SMTN: variants seen among roughly 807,000 people sequenced by gnomAD.
The protein encoded by SMTN is smoothelin.
In SMTN, 58 loss-of-function variants were observed where a neutral mutation model predicts 102.0. The observed-to-expected ratio is 0.57, with a 90% CI of 0.46 to 0.71. The LOEUF (loss-of-function observed/expected upper bound fraction) is 0.71. Among genes scored for constraint, SMTN ranks in the 30% least tolerant of loss-of-function variants. The probability of loss-of-function intolerance (pLI) is 0.00; values close to 1 mark genes in which losing one functional copy is unlikely to be tolerated. For missense variants in SMTN, 1,185 were observed against 1,241.7 expected (o/e 0.95, Z 0.69); for synonymous variants, 478 against 497.9 (o/e 0.96, Z 0.53).
intron 16 of SMTN, among the ~76,000 whole-genome samples, chr22:31,098,279 C>G (rs936404822): frequency 6.6e-6 from 1 of 152,198 alleles, no homozygotes; most frequent in Non-Finnish European, 1.5e-5. Flanking sequence ...CCTCCCTGCT[C>G]TTGTGAAGTT....
rs2043089518 is a variant in SMTN at position 31,091,005 on chromosome 22, G to A, written c.982G>A (p.Gly328Ser). ...CGGACCTTCCTCATTCCAGCGGGCT[G>A]GCTCTGTGCGGGATCGTGTCCACAA... ...ASGPSSFQRA[G>S]SVRDRVHKFT... Residue 328 changes from glycine to serine, a missense_variant, in exon 10 of 21, where the codon GGC becomes AGC. Physicochemically the swap from Gly to Ser is moderately conservative, Grantham distance 56. Transcript: ENST00000333137. The A allele has an allele frequency of 1.2e-6, 2 of 1,613,826 alleles. No homozygotes were observed. The highest frequency in any genetic ancestry group is 1.7e-6 in the Non-Finnish European group (2 of 1,179,936).
In SMTN at chr22:31,098,686, C is replaced by A; in HGVS notation, c.2179C>A (p.Gln727Lys). The A allele has an allele frequency of 6.2e-7, 1 of 1,613,512 alleles. No homozygotes were observed. The highest frequency in any genetic ancestry group is 8.5e-7 in the Non-Finnish European group (1 of 1,179,892). ...CCCTAGCATCTTCGACCGCGAGGACCAGGCCAGCCCACGGGCCGGCAGCCT... is the reference window on the plus strand; with the variant it reads ...CCCTAGCATCTTCGACCGCGAGGACAAGGCCAGCCCACGGGCCGGCAGCCT... The part of the protein sequence containing the change: ...KMGSIFDRED[Q>K]ASPRAGSLAA... The change falls in exon 17 of 21, where the codon CAG becomes AAG. Residue 727 changes from glutamine (Q) to lysine (K), a missense_variant. Physicochemically the swap from Gln to Lys is moderately conservative, Grantham distance 53. Around this residue, in one of 2 missense-constraint regions of SMTN, gnomAD observed 1,096 missense variants for 1,112.7 expected, o/e 0.98. Transcript: ENST00000333137.
In SMTN at chr22:31,091,289, T is replaced by C. The variant is rs1221760209; in HGVS notation, c.1266T>C (p.Ala422=). 2.5e-6 allele frequency: 4 copies of C among 1,599,840 alleles called. No individual in the cohort carries two copies. Among genetic ancestry groups the C allele is most frequent in the Non-Finnish European group, 3.4e-6 (4 of 1,174,072 alleles). The change falls in exon 10 of 21, where the codon GCT becomes GCC. Residue 422 remains alanine (A), a synonymous_variant. Transcript: ENST00000333137. ...AGGGCCCCAGGGGGCGGGGCTTGGC[T>C]GCTAGGCCCCTTGAAAACAGAGCAG... ...QEEGPRGRGL[A]ARPLENRAGG... is the part of the protein sequence containing the mutation.
rs575618231 is a variant in SMTN at position 31,086,946 on chromosome 22, G to T, written c.52-1019G>T. 32 of 152,392 alleles carry T rather than the reference G, an allele frequency of 2.1e-4. 1 individual carries two copies. Among genetic ancestry groups the T allele is most frequent in the Admixed American group, 1.9e-3 (29 of 15,310 alleles). The allele number at this position is 152,392 out of a possible 1,614,324, so 9.4% of individuals were successfully genotyped here. On this transcript the variant is annotated intron_variant, in intron 2 of 20. Coordinates refer to ENST00000333137, the MANE Select transcript of SMTN (RefSeq NM_134269.3). ...GGAATGACGGGGGGGCGCTAAAAAG[G>T]GAGATGATAGAGGGTTCTTTGGCCC...
In SMTN at chr22:31,089,899, G is replaced by T; in HGVS notation, c.672G>T (p.Gln224His). The T allele has an allele frequency of 6.2e-7, 1 of 1,613,124 alleles. No individual in the cohort carries two copies. The highest frequency in any genetic ancestry group is 8.5e-7 in the Non-Finnish European group (1 of 1,179,654). Residue 224 changes from glutamine to histidine, a missense_variant, in exon 7 of 21, where the codon CAG becomes CAT. Physicochemically the swap from Gln to His is conservative, Grantham distance 24. Around this residue, in one of 2 missense-constraint regions of SMTN, gnomAD observed 1,096 missense variants for 1,112.7 expected, o/e 0.98. Coordinates refer to ENST00000333137, the MANE Select transcript of SMTN (RefSeq NM_134269.3). ...PEPPLEPAEA[Q>H]CLTAEVPGSP... ...CTCCATTGGAGCCTGCCGAGGCCCA[G>T]TGCCTTACAGCTGAGGTTCCAGGCA... is the stretch of plus-strand genomic sequence containing the variant.
chr22:31,078,283 C>T (rs62236125), upstream of SMTN, among the ~76,000 whole-genome samples: 8,224 of 152,262 alleles, frequency 0.054, 250 homozygotes, highest in African/African-American at 0.08. Flanking sequence ...GAGGGTTAGC[C>T]AGGGTGACTT....
intron 1 of SMTN, chr22:31,068,387 T>C (rs1167966810): frequency 1.3e-5 from 2 of 152,098 alleles, no homozygotes; most frequent in African/African-American, 4.8e-5. Context: ...AGAAGAGGTT[T>C]TCAAATGTTA....
At chr22:31,094,882 C>A (rs906790415) in intron 11 of SMTN, among the ~76,000 whole-genome samples, 13 of 152,022 alleles carry the variant, frequency 8.6e-5, no homozygotes, top group Admixed American at 3.3e-4. Flanking sequence ...GATGCGGTCT[C>A]GCTATGTTAC....
chr22:31,099,736 G>T lies in SMTN; in HGVS notation c.2452-9G>T, dbSNP rs767368461. ...CCAGGTTCCTGACCAGTCCTCCTAC[G>T]GCTTATAGCACGTCGACATCCAGAA... On this transcript the variant is annotated splice_polypyrimidine_tract_variant and intron_variant, in intron 18 of 20. Coordinates refer to ENST00000333137, the MANE Select transcript of SMTN (RefSeq NM_134269.3). 1.2e-6 allele frequency: 2 copies of T among 1,613,416 alleles called. No homozygotes were observed. Among genetic ancestry groups the T allele is most frequent in the South Asian group, 1.1e-5 (1 of 91,056 alleles).
intron 18 of SMTN, 36 bp from the exon 19 acceptor site, chr22:31,099,709 C>T (rs765665060): frequency 6.2e-7 from 1 of 1,605,210 alleles, no homozygotes; most frequent in South Asian, 1.1e-5. Context: ...GGGGAGTTGC[C>T]CCCAGGTTCC....
chr22:31,102,008 T>G (rs2044134489), intron 20 of SMTN: 1 of 151,992 alleles, frequency 6.6e-6, no homozygotes, highest in Non-Finnish European at 1.5e-5. Flanking sequence ...GGTCAAGAAG[T>G]CTGCCAGGCT....
intron 11 of SMTN, chr22:31,093,604 CG>C: frequency 1.3e-6 from 1 of 756,464 alleles, no homozygotes. Context: ...GCCGGTGGCC[CG>C]GGCAGCTGAA....
chr22:31,083,553 C>T, intron 2 of SMTN: 1 of 468,182 alleles, frequency 2.1e-6, no homozygotes, highest in South Asian at 2.8e-5. Flanking sequence ...CCTGTTTAAA[C>T]AGTAACTGCT....
intron 11 of SMTN, among the ~76,000 whole-genome samples, chr22:31,094,407 G>A (rs778314464): frequency 3.3e-5 from 5 of 152,228 alleles, no homozygotes; most frequent in Non-Finnish European, 7.3e-5. Context: ...TACAGGCCCC[G>A]GGCCAGCCCT....
chr22:31,077,091 G>T (rs1273077497), upstream of SMTN, among the ~76,000 whole-genome samples: 3 of 152,198 alleles, frequency 2.0e-5, no homozygotes, highest in Non-Finnish European at 4.4e-5. Flanking sequence ...CCAAATGGTG[G>T]ATGGTAGAAT....
intron 1 of SMTN, chr22:31,068,475 G>A (rs1006327180): frequency 6.6e-6 from 1 of 151,976 alleles, no homozygotes; most frequent in Non-Finnish European, 1.5e-5. Flanking sequence ...TCATTCCCTT[G>A]TTCTCCTCCC....
At chr22:31,096,010 C>T (rs148805572) in intron 13 of SMTN, 38 of 287,198 alleles carry the variant, frequency 1.3e-4, no homozygotes, top group African/African-American at 7.6e-4. Flanking sequence ...CCCCATCCAG[C>T]TTCCCTTTTC....
chr22:31,095,634 A>G lies in SMTN; in HGVS notation c.1861+25A>G. 1 of 1,591,802 alleles carries G rather than the reference A, an allele frequency of 6.3e-7. No individual in the cohort carries two copies. Among genetic ancestry groups the G allele is most frequent in the Non-Finnish European group, 8.6e-7 (1 of 1,167,064 alleles). On this transcript the variant is annotated intron_variant, in intron 13 of 20. Transcript: ENST00000333137. The surrounding 1 kb of genome is among the most constrained non-coding windows in gnomAD (Gnocchi z 4.1). ...GGTAGAGAGCCAGTTGCCCTACCCT[A>G]GATCCAGCTGCCCCATTCCCCAGCT...
intron 11 of SMTN, chr22:31,092,475 C>T (rs1433819283): frequency 6.4e-6 from 3 of 471,102 alleles, no homozygotes; most frequent in Admixed American, 2.3e-5. Flanking sequence ...CCAGGATCCA[C>T]TAGCCGGGAG....
Sources: gnomAD v4.1 joint callset for allele counts (sites outside exome capture counted in the v4.1 genomes callset) on GRCh38, gnomAD v4.1.1 for gene constraint, gnomAD v4.1.1 regional missense constraint, Gnocchi (gnomAD v3.1) non-coding constraint, MANE v1.5 for transcripts, NCBI Gene and HGNC (gene_info 2026-07-23, HGNC 2026-07-21) for gene names.